The following ITGA6 variants were observed in gnomAD, a reference collection of about 807,000 sequenced individuals.
ITGA6 encodes the protein integrin alpha-6.
A neutral mutation model predicts 133.6 loss-of-function variants in ITGA6; 63 were observed. That is an observed-to-expected ratio of 0.47 (90% CI 0.38 to 0.58). The LOEUF (loss-of-function observed/expected upper bound fraction) is 0.58, where lower values mean the gene tolerates loss of function less well. Among genes scored for constraint, ITGA6 ranks in the 20% least tolerant of loss-of-function variants. ITGA6 has a pLI of 0.00. For synonymous variants in ITGA6, 434 were observed against 482.0 expected, an observed-to-expected ratio of 0.90 and a Z score of 1.30; for missense variants, 1,068 against 1,309.4, an observed-to-expected ratio of 0.82 and a Z score of 2.85.
intron 1 of ITGA6, among the ~76,000 whole-genome samples, chr2:172,464,756 A>G (rs935671551): frequency 6.6e-6 from 1 of 152,228 alleles, no homozygotes; most frequent in Non-Finnish European, 1.5e-5. Context: ...TGCCTAGTAC[A>G]TAAGTGGAGC....
rs376987044 is a variant in ITGA6, at chr2:172,444,587, C to T, written c.182+16617C>T. 3.9e-3 allele frequency among the ~76,000 whole-genome samples: 440 copies of T among 112,234 alleles called. 6 individuals are homozygous for T. The highest frequency in any genetic ancestry group is 0.014 in the African/African-American group (423 of 29,712). 73.6% of individuals were successfully genotyped at this position (112,234 alleles called of 152,430 possible). A position where few individuals can be genotyped will look rare whatever the true frequency, so the allele number is the denominator to read the frequency against. ...ATTAATGCAAATATTCCAAAATCCC[C>T]GCCCCCCGCCCCCCGCCAAAAAAAA... On this transcript the variant is annotated intron_variant, in intron 1 of 25. Coordinates refer to ENST00000684293, the MANE Select transcript of ITGA6 (RefSeq NM_000210.4).
chr2:172,440,768 G>A (rs1418326449), intron 1 of ITGA6, among the ~76,000 whole-genome samples: 1 of 152,174 alleles, frequency 6.6e-6, no homozygotes, highest in East Asian at 1.9e-4. Context: ...GTTTTTAATT[G>A]AGTAACAGAA....
chr2:172,504,420 C>G lies in ITGA6; in HGVS notation c.*352C>G, dbSNP rs904565740. The G allele has an allele frequency of 1.5e-5, 7 of 480,112 alleles. No homozygotes were observed. The East Asian group carries it at 2.4e-4, about 16-fold the overall frequency. 29.7% of individuals were successfully genotyped at this position (480,112 alleles called of 1,614,324 possible). On this transcript the variant is annotated 3_prime_UTR_variant, in exon 26 of 26. Transcript: ENST00000684293. The stretch of plus-strand genomic sequence containing the variant: ...GTGGATATTGTTACGTAGCCTAAGG[C>G]TCCTGTTTTGCACAGCCAAATTTAA...
rs182332042 is a variant in ITGA6, at chr2:172,503,990, G to T, written c.*23-101G>T. On this transcript the variant is annotated intron_variant, in intron 25 of 25. Transcript: ENST00000684293. ...ACCATGTCTTTTTCCCCTTAGTCCA[G>T]AGGTAGACATAGCTGAACAGAAAGC... 2.5e-4 allele frequency: 213 copies of T among 857,950 alleles called. No individual in the cohort carries two copies. The African/African-American group carries it at 3.3e-3, about 13-fold the overall frequency. The allele number at this position is 857,950 out of a possible 1,614,324, so 53.1% of individuals were successfully genotyped here.
In ITGA6 at chr2:172,504,547, G is replaced by GC. The variant is rs1687481989; in HGVS notation, c.*482dup. 1 of 260,432 alleles carries GC rather than the reference G, an allele frequency of 3.8e-6. No individual in the cohort carries two copies. Among genetic ancestry groups the GC allele is most frequent in the African/African-American group, 2.3e-5 (1 of 44,408 alleles). 16.1% of individuals were successfully genotyped at this position (260,432 alleles called of 1,614,324 possible). ...TACATCATGTGTTGGGGAAGGGCCT[G>GC]CCCAGTTGCACTCAGGTGACATCCT... On this transcript the variant is annotated 3_prime_UTR_variant, in exon 26 of 26. Transcript: ENST00000684293.
chr2:172,457,195 G>A (rs1333662748), intron 1 of ITGA6, among the ~76,000 whole-genome samples: 1 of 149,282 alleles, frequency 6.7e-6, no homozygotes, highest in Non-Finnish European at 1.5e-5. Context: ...TGAGGAGGCT[G>A]AAGCAGGAGA....
Position 172,476,265 on chromosome 2 carries a change from A to G in ITGA6, c.1270-130A>G. Reference sequence around the variant, plus strand: ...TCATATAGAAATTTATGACTTGTATATAATATAATTTACTTATAAGTGAAC... The same window carrying G: ...TCATATAGAAATTTATGACTTGTATGTAATATAATTTACTTATAAGTGAAC... On this transcript the variant is annotated intron_variant, in intron 8 of 25. Transcript: ENST00000684293. The G allele has an allele frequency of 5.6e-6, 4 of 720,002 alleles. No individual in the cohort carries two copies. In the Admixed American group the frequency reaches 5.6e-5, roughly 10 times the overall value. The allele number at this position is 720,002 out of a possible 1,614,324, so 44.6% of individuals were successfully genotyped here.
At chr2:172,476,310 A>G in intron 8 of ITGA6, 85 bp from the exon 9 acceptor site, 1 of 820,272 alleles carries the variant, frequency 1.2e-6, no homozygotes, top group Non-Finnish European at 2.2e-6. Flanking sequence ...TCAGTTCAAA[A>G]GAAACTTGTG....
At chr2:172,487,187 G>A (rs773851888) in intron 14 of ITGA6, 49 bp downstream of exon 14, 61 of 1,515,702 alleles carry the variant, frequency 4.0e-5, no homozygotes, top group Non-Finnish European at 5.4e-5. Context: ...GCTTCATGGT[G>A]GCTTTGTGTT....
chr2:172,452,851 G>C (rs760986594), intron 1 of ITGA6, among the ~76,000 whole-genome samples: 1 of 152,210 alleles, frequency 6.6e-6, no homozygotes, highest in Non-Finnish European at 1.5e-5. Context: ...TTTCTCAAAT[G>C]TGGTGTGGGT....
At chr2:172,460,072 G>C (rs1685369728) in intron 1 of ITGA6, among the ~76,000 whole-genome samples, 2 of 152,232 alleles carry the variant, frequency 1.3e-5, no homozygotes, top group Admixed American at 1.3e-4. Context: ...AGAATAGCAA[G>C]TCTGTTTGAC....
At chr2:172,456,850 C>T (rs2149025637) in intron 1 of ITGA6, among the ~76,000 whole-genome samples, 1 of 152,352 alleles carries the variant, frequency 6.6e-6, no homozygotes, top group East Asian at 1.9e-4. Context: ...AAATTGTTCT[C>T]TTATGAGAGC....
Position 172,488,172 on chromosome 2 carries a change from G to A in ITGA6, c.2449G>A (p.Glu817Lys), listed in dbSNP as rs745811870. The change falls in exon 19 of 26, where the codon GAG becomes AAG. Residue 817 changes from glutamate to lysine, a missense_variant. By Grantham distance (56) the Glu-to-Lys change is moderately conservative. This residue lies in a region of ITGA6 where 609 missense variants were observed against 707.2 expected (regional missense o/e 0.86). Transcript: ENST00000684293. ...QVYFGGTVVG[E>K]QAMKSEDEVG... ...GTATTTTGGAGGTACAGTTGTTGGC[G>A]AGCAAGCTATGAAATCTGAAGATGA... is the stretch of plus-strand genomic sequence containing the variant. 11 of 1,613,968 alleles carry A rather than the reference G, an allele frequency of 6.8e-6. No homozygotes were observed. Among genetic ancestry groups the A allele is most frequent in the East Asian group, 4.5e-5 (2 of 44,872 alleles).
intron 11 of ITGA6, among the ~76,000 whole-genome samples, chr2:172,483,999 C>T (rs1159332198): frequency 6.6e-6 from 1 of 152,094 alleles, no homozygotes; most frequent in African/African-American, 2.4e-5. Context: ...TTAGTAGAGA[C>T]AGGATTTCAC....
At chr2:172,431,808 G>C (rs750648457) in intron 1 of ITGA6, among the ~76,000 whole-genome samples, 4 of 152,164 alleles carry the variant, frequency 2.6e-5, no homozygotes, top group Admixed American at 6.5e-5. Flanking sequence ...TTTAACACAG[G>C]CTGGTGTGAG....
In ITGA6 at chr2:172,427,655, C is replaced by T. The variant is rs1190015872; in HGVS notation, c.-134C>T. ...GCCGGACGGAGAGCGCGACCCGTCCCGGGGGTGGGGCCGGGCGCAGCGGCG... is the reference window on the plus strand; with the variant it reads ...GCCGGACGGAGAGCGCGACCCGTCCTGGGGGTGGGGCCGGGCGCAGCGGCG... On this transcript the variant is annotated 5_prime_UTR_variant, in exon 1 of 26. Coordinates refer to ENST00000684293, the MANE Select transcript of ITGA6 (RefSeq NM_000210.4). 2.3e-6 allele frequency: 3 copies of T among 1,314,632 alleles called. No homozygotes were observed. The Admixed American group carries it at 1.3e-4, about 56-fold the overall frequency. 81.4% of individuals were successfully genotyped at this position (1,314,632 alleles called of 1,614,324 possible).
chr2:172,450,877 T>G (rs995529469), intron 1 of ITGA6, among the ~76,000 whole-genome samples: 1 of 140,498 alleles, frequency 7.1e-6, no homozygotes, highest in Non-Finnish European at 1.5e-5. Context: ...ACAAATATAT[T>G]TATATATTTA....
intron 11 of ITGA6, 100 bp from the exon 12 acceptor site, chr2:172,484,682 G>C (rs1250068076): frequency 1.0e-6 from 1 of 988,290 alleles, no homozygotes; most frequent in African/African-American, 1.6e-5. Flanking sequence ...CAATGGCAAT[G>C]TTTTCTACAA....
intron 1 of ITGA6, among the ~76,000 whole-genome samples, chr2:172,451,115 A>C (rs1684978188): frequency 6.6e-6 from 1 of 151,158 alleles, no homozygotes; most frequent in African/African-American, 2.4e-5. Context: ...AGATTGCACC[A>C]CTGCACTCCA....
Sources: allele counts gnomAD v4.1 joint callset (sites outside exome capture counted in the v4.1 genomes callset), GRCh38; gene constraint gnomAD v4.1.1; regional missense constraint gnomAD v4.1.1; transcripts MANE v1.5; gene names NCBI Gene and HGNC (gene_info 2026-07-23, HGNC 2026-07-21).